Variants in GALNT13 observed in about 807,000 individuals in gnomAD.
GALNT13 encodes polypeptide N-acetylgalactosaminyltransferase 13, also known as UDP-GalNAc:polypeptide N-acetylgalactosaminyltransferase 13.
In GALNT13, 28 loss-of-function variants were observed where a neutral mutation model predicts 64.2. The ratio of observed to expected loss-of-function variants is 0.44; its 90% confidence interval spans 0.32 to 0.60. GALNT13 has a LOEUF of 0.60. GALNT13 is among the 20% of genes least tolerant of loss of function. GALNT13 has a pLI of 0.05. For synonymous variants in GALNT13, 214 were observed against 224.6 expected (o/e 0.95, Z 0.42); for missense variants, 577 against 669.8 (o/e 0.86, Z 1.53).
chr2:154,410,600 G>T (rs969666544), intron 11 of GALNT13, among the ~76,000 whole-genome samples: 5 of 151,968 alleles, frequency 3.3e-5, no homozygotes, highest in Non-Finnish European at 5.9e-5. Context: ...AGGTAAAAAT[G>T]TGTTACTTGG....
chr2:153,229,732 T>C, the GALNT13 span, among the ~76,000 whole-genome samples: 125 of 152,226 alleles, frequency 8.2e-4, no homozygotes, highest in Non-Finnish European at 1.6e-3. Flanking sequence ...AATTTCTATA[T>C]TCACAGAAAG....
chr2:154,455,507 A>G (rs990929830), downstream of GALNT13, among the ~76,000 whole-genome samples: 6 of 152,156 alleles, frequency 3.9e-5, no homozygotes, highest in African/African-American at 1.2e-4. Context: ...CAAAAACTCA[A>G]TTAGCTCTAA....
At chr2:154,379,311 A>G (rs1698153376) in intron 9 of GALNT13, among the ~76,000 whole-genome samples, 1 of 152,006 alleles carries the variant, frequency 6.6e-6, no homozygotes, top group Non-Finnish European at 1.5e-5. Flanking sequence ...ACTTTTTTTT[A>G]GAGCCTTAAA....
At chr2:153,136,897 G>A in the GALNT13 span, among the ~76,000 whole-genome samples, 8 of 129,780 alleles carry the variant, frequency 6.2e-5, no homozygotes, top group African/African-American at 2.1e-4. Context: ...CTAGAACAGT[G>A]AGGAATGAGC....
chr2:153,127,937 A>G, the GALNT13 span, among the ~76,000 whole-genome samples: 1 of 152,210 alleles, frequency 6.6e-6, no homozygotes, highest in Non-Finnish European at 1.5e-5. Flanking sequence ...ACTGTGTTCA[A>G]TACTCATCTA....
the GALNT13 span, among the ~76,000 whole-genome samples, chr2:153,207,846 A>C: frequency 3.3e-5 from 5 of 152,266 alleles, no homozygotes; most frequent in Admixed American, 3.3e-4. Flanking sequence ...CAAATGGGAA[A>C]AACGCTGTTA....
the GALNT13 span, among the ~76,000 whole-genome samples, chr2:153,488,764 C>A: frequency 6.6e-6 from 1 of 152,182 alleles, no homozygotes; most frequent in Non-Finnish European, 1.5e-5. Flanking sequence ...TGACTGCCTC[C>A]CCTCCAAAAT....
chr2:153,264,604 G>T, the GALNT13 span, among the ~76,000 whole-genome samples: 1 of 152,184 alleles, frequency 6.6e-6, no homozygotes, highest in South Asian at 2.1e-4. Context: ...ATACTATTCA[G>T]CCATAAAAAG....
the GALNT13 span, among the ~76,000 whole-genome samples, chr2:153,403,244 G>A: frequency 6.6e-6 from 1 of 150,692 alleles, no homozygotes; most frequent in Non-Finnish European, 1.5e-5. Flanking sequence ...CTGCTCGGGG[G>A]TCAGGGGTCA....
the GALNT13 span, among the ~76,000 whole-genome samples, chr2:153,070,123 A>G: frequency 2.6e-5 from 4 of 152,186 alleles, no homozygotes; most frequent in Non-Finnish European, 1.5e-5. Flanking sequence ...TGCTCTTACA[A>G]AAGAGCCGGT....
the GALNT13 span, among the ~76,000 whole-genome samples, chr2:153,391,223 T>C: frequency 6.6e-6 from 1 of 152,148 alleles, no homozygotes; most frequent in Admixed American, 6.5e-5. Flanking sequence ...ATGATCTCTC[T>C]TGTGTTTAAT....
the GALNT13 span, among the ~76,000 whole-genome samples, chr2:153,258,716 C>A: frequency 6.6e-6 from 1 of 151,898 alleles, no homozygotes; most frequent in East Asian, 1.9e-4. Flanking sequence ...CTTCATTGAC[C>A]CACTGGTCAT....
At chr2:154,001,576 A>G (rs1377736997) in intron 3 of GALNT13, among the ~76,000 whole-genome samples, 7 of 151,902 alleles carry the variant, frequency 4.6e-5, no homozygotes, top group Admixed American at 4.6e-4. Context: ...CCATCCCTCC[A>G]CACTTTTACT....
chr2:153,932,692 A>T (rs1310369898), intron 2 of GALNT13, among the ~76,000 whole-genome samples: 1 of 138,868 alleles, frequency 7.2e-6, no homozygotes, highest in Non-Finnish European at 1.5e-5. Context: ...CAATGGTGCA[A>T]TCTTGGCTCG....
the GALNT13 span, among the ~76,000 whole-genome samples, chr2:153,093,386 A>T: frequency 6.6e-6 from 1 of 151,650 alleles, no homozygotes; most frequent in East Asian, 1.9e-4. Context: ...CTACAGATGC[A>T]TGCCACCATG....
At chr2:154,360,805 A>G (rs1191954258) in intron 9 of GALNT13, among the ~76,000 whole-genome samples, 3 of 152,096 alleles carry the variant, frequency 2.0e-5, no homozygotes, top group East Asian at 3.8e-4. Context: ...TGGCACCATG[A>G]TAGCTCTCAG....
At chr2:153,425,381 T>C in the GALNT13 span, among the ~76,000 whole-genome samples, 2 of 151,746 alleles carry the variant, frequency 1.3e-5, no homozygotes, top group Non-Finnish European at 3.0e-5. Flanking sequence ...ATTCAGGTTC[T>C]ATAGGATCAC....
the GALNT13 span, among the ~76,000 whole-genome samples, chr2:153,764,868 A>T: frequency 6.6e-6 from 1 of 152,212 alleles, no homozygotes; most frequent in Non-Finnish European, 1.5e-5. Flanking sequence ...CATAGCAAAA[A>T]GGGGCCAAGT....
chr2:153,901,155 C>A (rs1688208210), intron 2 of GALNT13, 148 bp downstream of exon 2: 1 of 152,078 alleles, frequency 6.6e-6, no homozygotes, highest in South Asian at 2.1e-4. Context: ...AGCATTATTT[C>A]TGGGGTCTTT....
Sources: gnomAD v4.1 joint callset for allele counts (sites outside exome capture counted in the v4.1 genomes callset) on GRCh38, gnomAD v4.1.1 for gene constraint, MANE v1.5 for transcripts, NCBI Gene and HGNC (gene_info 2026-07-23, HGNC 2026-07-21) for gene names.